Variants in LCE5A observed in about 807,000 individuals in gnomAD.
LCE5A encodes late cornified envelope protein 5A.
For missense variants in LCE5A, 139 were observed against 147.2 expected, an observed-to-expected ratio of 0.94 and a Z score of 0.29; for synonymous variants, 51 against 54.2, an observed-to-expected ratio of 0.94 and a Z score of 0.26.
chr1:152,511,189 C>G (rs1658558179), intron 1 of LCE5A, among the ~76,000 whole-genome samples, 191 bp downstream of exon 1: 1 of 152,020 alleles, frequency 6.6e-6, no homozygotes, highest in African/African-American at 2.4e-5. Context: ...CTTTGGGAGG[C>G]TGAGGTGGGC....
Position 152,511,892 on chromosome 1 carries a change from C to T in LCE5A, c.*1C>T, listed in dbSNP as rs765463509. The T allele has an allele frequency of 1.2e-6, 2 of 1,609,116 alleles. No individual in the cohort carries two copies. Among genetic ancestry groups the T allele is most frequent in the South Asian group, 2.2e-5 (2 of 90,690 alleles). On this transcript the variant is annotated 3_prime_UTR_variant, in exon 2 of 2. Coordinates refer to ENST00000334269, the MANE Select transcript of LCE5A (RefSeq NM_178438.5). ...CCACAGCTCTGGAGGCTGCTGCTGA[C>T]CTGGGCCATGAGGAGCACGGAGGAG...
In LCE5A at chr1:152,511,659, C is replaced by A. The variant is rs1172600784; in HGVS notation, c.125C>A (p.Ala42Asp). The A allele has an allele frequency of 1.2e-6, 2 of 1,614,158 alleles. No individual in the cohort carries two copies. Among genetic ancestry groups the A allele is most frequent in the South Asian group, 1.1e-5 (1 of 91,084 alleles). The change falls in exon 2 of 2, where the codon GCC (alanine) becomes GAC (aspartate). Residue 42 changes from alanine to aspartate, a missense_variant. Physicochemically the swap from Ala to Asp is moderately radical, Grantham distance 126 (BLOSUM62 -2). Transcript: ENST00000334269. ...CPPKCPPQCS[A>D]PCPPPVSSCC... is the part of the protein sequence containing the mutation. ...CCAAAATGCCCTCCCCAGTGTTCAGCCCCATGCCCACCTCCAGTCTCTTCC... is the reference window on the plus strand; with the variant it reads ...CCAAAATGCCCTCCCCAGTGTTCAGACCCATGCCCACCTCCAGTCTCTTCC...
chr1:152,511,616 T>A lies in LCE5A; in HGVS notation c.82T>A (p.Cys28Ser), dbSNP rs760552495. The part of the protein sequence containing the change: ...PKCPPKCTPK[C>S]PPKCPPKCPP... Reference sequence around the variant, plus strand: ...ATGCCCTCCCAAGTGTACTCCTAAGTGTCCTCCCAAGTGTCCCCCAAAATG... The same window carrying A: ...ATGCCCTCCCAAGTGTACTCCTAAGAGTCCTCCCAAGTGTCCCCCAAAATG... The change falls in exon 2 of 2, where the codon TGT becomes AGT. Residue 28 changes from cysteine (C) to serine (S), a missense_variant. By Grantham distance (112) the Cys-to-Ser change is moderately radical (BLOSUM62 -1). Transcript: ENST00000334269. 1.2e-5 allele frequency: 19 copies of A among 1,613,984 alleles called. No individual in the cohort carries two copies. The highest frequency in any genetic ancestry group is 2.2e-5 in the East Asian group (1 of 44,888).
intron 1 of LCE5A, 108 bp downstream of exon 1, chr1:152,511,106 C>G (rs1286462432): frequency 6.1e-6 from 1 of 163,804 alleles, no homozygotes; most frequent in East Asian, 1.8e-4. Context: ...TGTTACTGGT[C>G]TTGGGAGACT....
rs1028550479 is a variant in LCE5A, at chr1:152,511,695, C to G, written c.161C>G (p.Ser54Cys). 1 of 1,614,062 alleles carries G rather than the reference C, an allele frequency of 6.2e-7. No homozygotes were observed. Among genetic ancestry groups the G allele is most frequent in the Non-Finnish European group, 8.5e-7 (1 of 1,180,036 alleles). The change falls in exon 2 of 2, where the codon TCC (serine) becomes TGC (cysteine). Residue 54 changes from serine (S) to cysteine (C), a missense_variant. Coordinates refer to ENST00000334269, the MANE Select transcript of LCE5A (RefSeq NM_178438.5). ...CCTCCAGTCTCTTCCTGCTGTGGTT[C>G]CAGCTCTGGGGGCTGCTGCAGCTCT... The part of the protein sequence containing the change: ...CPPPVSSCCG[S>C]SSGGCCSSEG...
intron 1 of LCE5A, 106 bp downstream of exon 1, chr1:152,511,104 GT>G (rs1450964733): frequency 6.1e-6 from 1 of 164,164 alleles, no homozygotes; most frequent in East Asian, 1.8e-4. Flanking sequence ...CTTGTTACTG[GT>G]CTTGGGAGAC....
At position 152,511,707 on chromosome 1, in the gene LCE5A, G is replaced by A. The variant is rs1197264415; in HGVS notation, c.173G>A (p.Gly58Asp). ...VSSCCGSSSGGCCSSEGGGCC... is the reference protein window; with the variant it reads ...VSSCCGSSSGDCCSSEGGGCC... ...TCCTGCTGTGGTTCCAGCTCTGGGG[G>A]CTGCTGCAGCTCTGAGGGTGGTGGC... Residue 58 changes from glycine to aspartate, a missense_variant, in exon 2 of 2, where the codon GGC (glycine) becomes GAC (aspartate). By Grantham distance (94) the Gly-to-Asp change is moderately conservative. Coordinates refer to ENST00000334269, the MANE Select transcript of LCE5A (RefSeq NM_178438.5). The A allele has an allele frequency of 6.2e-7, 1 of 1,614,152 alleles. No individual in the cohort carries two copies. Among genetic ancestry groups the A allele is most frequent in the African/African-American group, 1.3e-5 (1 of 75,052 alleles).
rs1658589017 is a variant in LCE5A at position 152,511,798 on chromosome 1, T to A, written c.264T>A (p.Cys88Ter). The change falls in exon 2 of 2, where the codon TGT (cysteine) becomes TGA (stop). Residue 88 changes from cysteine (C) to a stop codon, truncating the protein, a stop_gained. Coordinates refer to ENST00000334269, the MANE Select transcript of LCE5A (RefSeq NM_178438.5). LOFTEE classifies it low-confidence loss of function (END_TRUNC). ...LRRRPQSSSCCGSGSGQQSGG... is the reference protein window; with the variant it reads ...LRRRPQSSSC ...GCCGACCTCAGAGTTCCAGCTGCTG[T>A]GGCAGTGGCAGTGGCCAGCAGTCTG... The A allele has an allele frequency of 6.2e-7, 1 of 1,613,764 alleles. No individual in the cohort carries two copies. The highest frequency in any genetic ancestry group is 1.3e-5 in the African/African-American group (1 of 75,022).
rs202204681 is a variant in LCE5A at position 152,511,546 on chromosome 1, G to A, written c.12G>A (p.Gln4=). 5 of 1,614,106 alleles carry A rather than the reference G, an allele frequency of 3.1e-6. No homozygotes were observed. The African/African-American group carries it at 6.7e-5, about 22-fold the overall frequency. The part of the protein sequence containing the change: MSC[Q]QSQQQCQPPP... ...CAGCTTCTACAGAGATGTCCTGCCA[G>A]CAGAGCCAGCAGCAGTGCCAGCCTC... The change falls in exon 2 of 2, where the codon CAG becomes CAA. Residue 4 remains glutamine (Q), a synonymous_variant. Transcript: ENST00000334269.
rs777687358 is a variant in LCE5A at position 152,511,602 on chromosome 1, A to G, written c.68A>G (p.Lys23Arg). 1.2e-6 allele frequency: 2 copies of G among 1,614,028 alleles called. No homozygotes were observed. The highest frequency in any genetic ancestry group is 1.7e-6 in the Non-Finnish European group (2 of 1,179,996). ...AAATGTACCCCTAAATGCCCTCCCAAGTGTACTCCTAAGTGTCCTCCCAAG... is the reference window on the plus strand; with the variant it reads ...AAATGTACCCCTAAATGCCCTCCCAGGTGTACTCCTAAGTGTCCTCCCAAG... Reference protein sequence around the residue: ...PPKCTPKCPPKCTPKCPPKCP... With the variant: ...PPKCTPKCPPRCTPKCPPKCP... Residue 23 changes from lysine (K) to arginine (R), a missense_variant, in exon 2 of 2, where the codon AAG (lysine) becomes AGG (arginine). By Grantham distance (26) the Lys-to-Arg change is conservative (BLOSUM62 2). Transcript: ENST00000334269.
rs1658592133 is a variant in LCE5A at position 152,511,830 on chromosome 1, C to T, written c.296C>T (p.Ser99Phe). Reference protein sequence around the residue: ...GSGSGQQSGGSSCCHSSGGSG... With the variant: ...GSGSGQQSGGFSCCHSSGGSG... ...GGCAGTGGCCAGCAGTCTGGGGGCT[C>T]CAGCTGCTGCCACAGCTCTGGGGGC... The change falls in exon 2 of 2, where the codon TCC (serine) becomes TTC (phenylalanine). Residue 99 changes from serine to phenylalanine, a missense_variant. By Grantham distance (155) the Ser-to-Phe change is radical. Transcript: ENST00000334269. The T allele has an allele frequency of 6.2e-7, 1 of 1,613,688 alleles. No individual in the cohort carries two copies. Among genetic ancestry groups the T allele is most frequent in the African/African-American group, 1.3e-5 (1 of 74,928 alleles).
rs781671353 is a variant in LCE5A at position 152,511,586 on chromosome 1, C to T, written c.52C>T (p.Pro18Ser). The change falls in exon 2 of 2, where the codon CCT becomes TCT. Residue 18 changes from proline (P) to serine (S), a missense_variant. Pro to Ser is a moderately conservative substitution (Grantham distance 74, BLOSUM62 -1). Coordinates refer to ENST00000334269, the MANE Select transcript of LCE5A (RefSeq NM_178438.5). ...QQCQPPPKCTPKCPPKCTPKC... is the reference protein window; with the variant it reads ...QQCQPPPKCTSKCPPKCTPKC... ...GTGCCAGCCTCCTCCCAAATGTACCCCTAAATGCCCTCCCAAGTGTACTCC... is the reference window on the plus strand; with the variant it reads ...GTGCCAGCCTCCTCCCAAATGTACCTCTAAATGCCCTCCCAAGTGTACTCC... 1 of 1,614,026 alleles carries T rather than the reference C, an allele frequency of 6.2e-7. No individual in the cohort carries two copies. The highest frequency in any genetic ancestry group is 1.1e-5 in the South Asian group (1 of 91,088).
At position 152,511,662 on chromosome 1, in the gene LCE5A, C is replaced by T. The variant is rs1557942462; in HGVS notation, c.128C>T (p.Pro43Leu). Residue 43 changes from proline (P) to leucine (L), a missense_variant, in exon 2 of 2, where the codon CCA (proline) becomes CTA (leucine). By Grantham distance (98) the Pro-to-Leu change is moderately conservative. Coordinates refer to ENST00000334269, the MANE Select transcript of LCE5A (RefSeq NM_178438.5). ...PPKCPPQCSA[P>L]CPPPVSSCCG... ...AAATGCCCTCCCCAGTGTTCAGCCC[C>T]ATGCCCACCTCCAGTCTCTTCCTGC... 1 of 1,614,176 alleles carries T rather than the reference C, an allele frequency of 6.2e-7. No homozygotes were observed. The highest frequency in any genetic ancestry group is 8.5e-7 in the Non-Finnish European group (1 of 1,180,040).
chr1:152,511,502 A>G lies in LCE5A; in HGVS notation c.-21-12A>G. 6.3e-7 allele frequency: 1 copy of G among 1,589,238 alleles called. No individual in the cohort carries two copies. The highest frequency in any genetic ancestry group is 8.6e-7 in the Non-Finnish European group (1 of 1,157,622). Reference sequence around the variant, plus strand: ...GGCAAGGAAGTGACCTTGGGCTTGTATTGTCTTTCAGCTTTATTCAGCTTC... The same window carrying G: ...GGCAAGGAAGTGACCTTGGGCTTGTGTTGTCTTTCAGCTTTATTCAGCTTC... On this transcript the variant is annotated splice_polypyrimidine_tract_variant and intron_variant, in intron 1 of 1. Transcript: ENST00000334269.
At position 152,512,132 on chromosome 1, in the gene LCE5A, G is replaced by T; in HGVS notation, c.*241G>T. ...TTGGAGAACTAGGTGTTGTAATTCA[G>T]TTATGAAGCTATTTTCTCTGTAACA... On this transcript the variant is annotated 3_prime_UTR_variant, in exon 2 of 2. Transcript: ENST00000334269. The T allele has an allele frequency of 1.9e-6, 1 of 521,546 alleles. No individual in the cohort carries two copies. Among genetic ancestry groups the T allele is most frequent in the South Asian group, 3.9e-5 (1 of 25,888 alleles). 32.3% of individuals were successfully genotyped at this position (521,546 alleles called of 1,614,324 possible).
chr1:152,511,961 A>G lies in LCE5A; in HGVS notation c.*70A>G. ...GGTGCTGAAGATGTGTGTCAGCCTG[A>G]GGCTTCTTTTCTCTCATTTCCCATG... On this transcript the variant is annotated 3_prime_UTR_variant, in exon 2 of 2. Coordinates refer to ENST00000334269, the MANE Select transcript of LCE5A (RefSeq NM_178438.5). The G allele has an allele frequency of 7.1e-7, 1 of 1,411,108 alleles. No individual in the cohort carries two copies. The allele number at this position is 1,411,108 out of a possible 1,614,324, so 87.4% of individuals were successfully genotyped here.
rs2101746990 is a variant in LCE5A, at chr1:152,511,568, C to T, written c.34C>T (p.Pro12Ser). ...CCAGCAGAGCCAGCAGCAGTGCCAGCCTCCTCCCAAATGTACCCCTAAATG... is the reference window on the plus strand; with the variant it reads ...CCAGCAGAGCCAGCAGCAGTGCCAGTCTCCTCCCAAATGTACCCCTAAATG... The part of the protein sequence containing the change: ...SCQQSQQQCQ[P>S]PPKCTPKCPP... Residue 12 changes from proline (P) to serine (S), a missense_variant, in exon 2 of 2, where the codon CCT (proline) becomes TCT (serine). Coordinates refer to ENST00000334269, the MANE Select transcript of LCE5A (RefSeq NM_178438.5). 4 of 1,614,166 alleles carry T rather than the reference C, an allele frequency of 2.5e-6. No homozygotes were observed. In the East Asian group the frequency reaches 6.7e-5, roughly 27 times the overall value.
In LCE5A at chr1:152,511,555, G is replaced by A; in HGVS notation, c.21G>A (p.Gln7=). Residue 7 remains glutamine, a synonymous_variant, in exon 2 of 2, where the codon CAG becomes CAA. Transcript: ENST00000334269. ...CAGAGATGTCCTGCCAGCAGAGCCA[G>A]CAGCAGTGCCAGCCTCCTCCCAAAT... is the stretch of plus-strand genomic sequence containing the variant. The part of the protein sequence containing the change: MSCQQS[Q]QQCQPPPKCT... 3 of 1,614,180 alleles carry A rather than the reference G, an allele frequency of 1.9e-6. No individual in the cohort carries two copies. The highest frequency in any genetic ancestry group is 2.5e-6 in the Non-Finnish European group (3 of 1,180,012).
Position 152,512,137 on chromosome 1 carries a change from G to T in LCE5A, c.*246G>T. 1 of 520,728 alleles carries T rather than the reference G, an allele frequency of 1.9e-6. No homozygotes were observed. The highest frequency in any genetic ancestry group is 3.5e-6 in the Non-Finnish European group (1 of 289,534). The allele number at this position is 520,728 out of a possible 1,614,324, so 32.3% of individuals were successfully genotyped here. A position where few individuals can be genotyped will look rare whatever the true frequency, so the allele number is the denominator to read the frequency against. ...GAACTAGGTGTTGTAATTCAGTTAT[G>T]AAGCTATTTTCTCTGTAACAATAAA... On this transcript the variant is annotated 3_prime_UTR_variant, in exon 2 of 2. Transcript: ENST00000334269.
Sources: allele counts gnomAD v4.1 joint callset (sites outside exome capture counted in the v4.1 genomes callset), GRCh38; gene constraint gnomAD v4.1.1; transcripts MANE v1.5; gene names NCBI Gene and HGNC (gene_info 2026-07-23, HGNC 2026-07-21).